The following TSPAN9 variants were observed in gnomAD, a reference collection of about 807,000 sequenced individuals.
TSPAN9 encodes tetraspanin 9, also known as tetraspanin-9.
In TSPAN9, 16 loss-of-function variants were observed where a neutral mutation model predicts 31.0. The observed-to-expected ratio is 0.52, with a 90% confidence interval of 0.35 to 0.78. TSPAN9 has a LOEUF of 0.78. TSPAN9 is among the 30% of genes least tolerant of loss of function. The pLI is 0.01. For synonymous variants in TSPAN9, 145 were observed against 121.6 expected (o/e 1.19, Z -1.27); for missense variants, 272 against 312.5 (o/e 0.87, Z 0.98).
In TSPAN9 at chr12:3,283,248, T is replaced by C; in HGVS notation, c.*132T>C. On this transcript the variant is annotated 3_prime_UTR_variant, in exon 9 of 9. Coordinates refer to ENST00000011898, the MANE Select transcript of TSPAN9 (RefSeq NM_006675.5). ...CCCCCACAGCCTGCCCTACCCCACC[T>C]ACCCTGCCTCAGCCTCGGACTTCTC... is the stretch of plus-strand genomic sequence containing the variant. 1.2e-6 allele frequency: 1 copy of C among 858,870 alleles called. No homozygotes were observed. Among genetic ancestry groups the C allele is most frequent in the Non-Finnish European group, 1.7e-6 (1 of 574,448 alleles). The allele number at this position is 858,870 out of a possible 1,614,324, so 53.2% of individuals were successfully genotyped here. A position where few individuals can be genotyped will look rare whatever the true frequency, so the allele number is the denominator to read the frequency against.
intron 2 of TSPAN9, among the ~76,000 whole-genome samples, chr12:3,117,193 C>T (rs12816126): frequency 0.13 from 19,364 of 152,136 alleles, 1,605 homozygotes; most frequent in Middle Eastern, 0.22. Flanking sequence ...GACGGTTCCT[C>T]GTCATCCAGG....
rs1411268551 is a variant in TSPAN9, at chr12:3,192,836, C to T, written c.-17-8341C>T. Among the ~76,000 whole-genome samples, 1 of 152,174 alleles carries T rather than the reference C, an allele frequency of 6.6e-6. No homozygotes were observed. The highest frequency in any genetic ancestry group is 2.4e-5 in the African/African-American group (1 of 41,456). On this transcript the variant is annotated intron_variant, in intron 2 of 8. Coordinates refer to ENST00000011898, the MANE Select transcript of TSPAN9 (RefSeq NM_006675.5). The surrounding 1 kb of genome is among the most constrained non-coding windows in gnomAD (Gnocchi z 4.6). ...GCAGCCAGCATTTCCCTTAGAATTTCAGCCACACAACATTAGCTATTGATG... is the reference window on the plus strand; with the variant it reads ...GCAGCCAGCATTTCCCTTAGAATTTTAGCCACACAACATTAGCTATTGATG...
chr12:3,283,385 T>G lies in TSPAN9; in HGVS notation c.*269T>G. The G allele has an allele frequency of 4.8e-6, 2 of 420,204 alleles. No homozygotes were observed. Among genetic ancestry groups the G allele is most frequent in the African/African-American group, 2.1e-5 (1 of 48,030 alleles). 26.0% of individuals were successfully genotyped at this position (420,204 alleles called of 1,614,324 possible). On this transcript the variant is annotated 3_prime_UTR_variant, in exon 9 of 9. Coordinates refer to ENST00000011898, the MANE Select transcript of TSPAN9 (RefSeq NM_006675.5). The stretch of plus-strand genomic sequence containing the variant: ...CCAAAGACGACAGGGTGGGCTGGGG[T>G]GCGCTCCGGAGGAACCCCCGGCACT...
At chr12:3,152,355 TGGCATCCCACC>T (rs1239242644) in intron 2 of TSPAN9, among the ~76,000 whole-genome samples, 1 of 152,212 alleles carries the variant, frequency 6.6e-6, no homozygotes, top group African/African-American at 2.4e-5. Flanking sequence ...GGCTGGGATT[TGGCATCCCACC>T]GGCCCCTCTT....
intron 2 of TSPAN9, among the ~76,000 whole-genome samples, chr12:3,105,778 ACGCTCATACACACT>A (rs2098314163): frequency 1.0e-5 from 1 of 96,384 alleles, no homozygotes; most frequent in African/African-American, 2.8e-5. Flanking sequence ...GCACGCACAC[ACGCTCATACACACT>A]CACGCACACA....
At chr12:3,136,498 AGT>A (rs1336004991) in intron 2 of TSPAN9, among the ~76,000 whole-genome samples, 4 of 152,162 alleles carry the variant, frequency 2.6e-5, no homozygotes, top group African/African-American at 9.7e-5. Context: ...GGCTCAGAGA[AGT>A]GAAGGATGCC....
At chr12:3,217,403 G>T (rs2098381924) in intron 3 of TSPAN9, among the ~76,000 whole-genome samples, 1 of 152,170 alleles carries the variant, frequency 6.6e-6, no homozygotes, top group Non-Finnish European at 1.5e-5. Flanking sequence ...CATCTGGAAA[G>T]ATCCTGCCCA....
chr12:3,205,450 G>A (rs908506657), intron 3 of TSPAN9, among the ~76,000 whole-genome samples: 5 of 152,182 alleles, frequency 3.3e-5, no homozygotes, highest in Non-Finnish European at 5.9e-5. Context: ...CAGCATGGTC[G>A]GGCTCTCCAG....
chr12:3,174,781 A>G (rs938553812), intron 2 of TSPAN9, among the ~76,000 whole-genome samples: 2 of 147,708 alleles, frequency 1.4e-5, no homozygotes, highest in Non-Finnish European at 3.0e-5. Context: ...ACGGGGTTTC[A>G]CCGTGTTAGC....
chr12:3,269,482 CTGTGTT>C (rs1862627111), intron 3 of TSPAN9, among the ~76,000 whole-genome samples: 6 of 148,036 alleles, frequency 4.1e-5, no homozygotes, highest in Admixed American at 1.3e-4. Flanking sequence ...AGCCTGCCCT[CTGTGTT>C]TCTGCAGCCT....
At chr12:3,110,611 T>G (rs1241440500) in intron 2 of TSPAN9, among the ~76,000 whole-genome samples, 1 of 152,198 alleles carries the variant, frequency 6.6e-6, no homozygotes. Context: ...GCAGGATCCT[T>G]TGTGCCTAGA....
chr12:3,201,316 C>T (rs740775), intron 3 of TSPAN9, 60 bp downstream of exon 3: 1 of 1,493,588 alleles, frequency 6.7e-7, no homozygotes, highest in Non-Finnish European at 9.3e-7. Context: ...CTTACCATAG[C>T]GTGAATACCC....
At chr12:3,092,070 A>G (rs576463292) in intron 2 of TSPAN9, among the ~76,000 whole-genome samples, 52 of 152,382 alleles carry the variant, frequency 3.4e-4, no homozygotes, top group African/African-American at 1.3e-3. Context: ...ATCACGGACA[A>G]GAAAAGAAAC....
chr12:3,274,013 G>A (rs1862734390), intron 3 of TSPAN9, among the ~76,000 whole-genome samples: 1 of 152,206 alleles, frequency 6.6e-6, no homozygotes, highest in South Asian at 2.1e-4. Context: ...GGCAGCCCAA[G>A]GGTGGGTGCC....
rs533038674 is a variant in TSPAN9, at chr12:3,146,025, C to T, written c.-17-55152C>T. Reference sequence around the variant, plus strand: ...CGGTGGCCTTCCACCACGAGGCTCCCGCAGGCACAGGCACGAGGACGCTTT... The same window carrying T: ...CGGTGGCCTTCCACCACGAGGCTCCTGCAGGCACAGGCACGAGGACGCTTT... On this transcript the variant is annotated intron_variant, in intron 2 of 8. Transcript: ENST00000011898. 2.6e-5 allele frequency among the ~76,000 whole-genome samples: 4 copies of T among 152,332 alleles called. No individual in the cohort carries two copies. The South Asian group carries it at 6.2e-4, about 24-fold the overall frequency.
chr12:3,276,641 C>T (rs1299629541), intron 3 of TSPAN9, among the ~76,000 whole-genome samples: 2 of 152,226 alleles, frequency 1.3e-5, no homozygotes, highest in East Asian at 1.9e-4. Flanking sequence ...TTTTCTGGCT[C>T]TTTACATTGC....
At chr12:3,262,451 C>T (rs1011272267) in intron 3 of TSPAN9, among the ~76,000 whole-genome samples, 3 of 150,848 alleles carry the variant, frequency 2.0e-5, no homozygotes, top group Admixed American at 6.6e-5. Flanking sequence ...GTGTAGTAAT[C>T]GTTTCTTTTT....
intron 2 of TSPAN9, among the ~76,000 whole-genome samples, chr12:3,117,549 G>T (rs1188694021): frequency 6.6e-6 from 1 of 152,064 alleles, no homozygotes; most frequent in Non-Finnish European, 1.5e-5. Flanking sequence ...TGTAAAGAGG[G>T]GCAGCCTGGA....
In TSPAN9 at chr12:3,187,035, C is replaced by T. The variant is rs545657388; in HGVS notation, c.-17-14142C>T. Among the ~76,000 whole-genome samples the T allele has an allele frequency of 6.6e-6, 1 of 152,294 alleles. No homozygotes were observed. Among genetic ancestry groups the T allele is most frequent in the South Asian group, 2.1e-4 (1 of 4,828 alleles). On this transcript the variant is annotated intron_variant, in intron 2 of 8. Transcript: ENST00000011898. The surrounding 1 kb of genome is among the most constrained non-coding windows in gnomAD (Gnocchi z 5.2). ...GTACTTACACCATGGCATTGGCAAG[C>T]GCTCTGAATCGGGGCTTTTCCCCTG...
Sources: gnomAD v4.1 joint callset for allele counts (sites outside exome capture counted in the v4.1 genomes callset) on GRCh38, gnomAD v4.1.1 for gene constraint, Gnocchi (gnomAD v3.1) non-coding constraint, MANE v1.5 for transcripts, NCBI Gene and HGNC (gene_info 2026-07-23, HGNC 2026-07-21) for gene names.